NKAIN3: variants seen among roughly 807,000 people sequenced by gnomAD.
NKAIN3 encodes sodium/potassium transporting ATPase interacting 3.
In NKAIN3, 25 loss-of-function variants were observed where a neutral mutation model predicts 30.2. The observed-to-expected ratio is 0.83, with a 90% CI of 0.60 to 1.16. The LOEUF (loss-of-function observed/expected upper bound fraction) is 1.16. NKAIN3 is among the 50% of genes most tolerant of loss of function. NKAIN3 has a pLI of 0.00. For missense variants in NKAIN3, 225 were observed against 254.1 expected (o/e 0.89, Z 0.78); for synonymous variants, 91 against 89.6 (o/e 1.02, Z -0.09).
chr8:62,575,551 A>T (rs538149031), intron 1 of NKAIN3, among the ~76,000 whole-genome samples: 1 of 152,264 alleles, frequency 6.6e-6, no homozygotes, highest in East Asian at 1.9e-4. Flanking sequence ...AAGGCAATCC[A>T]CAGATCTGAG....
rs1027894124 is a variant in NKAIN3, at chr8:62,977,071, T to C, written c.*11664T>C. Among the ~76,000 whole-genome samples, 17 of 152,216 alleles carry C rather than the reference T, an allele frequency of 1.1e-4. No homozygotes were observed. The highest frequency in any genetic ancestry group is 2.5e-4 in the Non-Finnish European group (17 of 68,042). ...AGATCTGCTGTTAGTATGATGGGCTTCCCTTTGTAGGTAACCCAACTTTTC... is the reference window on the plus strand; with the variant it reads ...AGATCTGCTGTTAGTATGATGGGCTCCCCTTTGTAGGTAACCCAACTTTTC... On this transcript the variant is annotated 3_prime_UTR_variant, in exon 7 of 7. Coordinates refer to ENST00000623646, the MANE Select transcript of NKAIN3 (RefSeq NM_001304533.3).
At chr8:62,708,827 T>C (rs1394903362) in intron 3 of NKAIN3, among the ~76,000 whole-genome samples, 1 of 152,224 alleles carries the variant, frequency 6.6e-6, no homozygotes, top group Admixed American at 6.5e-5. Context: ...CTTTCAACTT[T>C]TTCCCATTCA....
At chr8:62,445,154 C>A (rs1805442443) in intron 1 of NKAIN3, among the ~76,000 whole-genome samples, 1 of 152,020 alleles carries the variant, frequency 6.6e-6, no homozygotes, top group African/African-American at 2.4e-5. Context: ...CCATGTTGGC[C>A]AGGATGGTCT....
chr8:62,900,014 T>A (rs533365786), intron 4 of NKAIN3, among the ~76,000 whole-genome samples: 1 of 138,654 alleles, frequency 7.2e-6, no homozygotes, highest in Admixed American at 7.6e-5. Flanking sequence ...CTTATACCCC[T>A]AAAGCTACTG....
At chr8:62,462,413 G>A (rs1806026552) in intron 1 of NKAIN3, among the ~76,000 whole-genome samples, 1 of 152,072 alleles carries the variant, frequency 6.6e-6, no homozygotes, top group Admixed American at 6.5e-5. Context: ...TGGAATGTGG[G>A]GAGCTTCATC....
At chr8:62,792,283 T>C (rs192612221) in intron 4 of NKAIN3, among the ~76,000 whole-genome samples, 4 of 152,252 alleles carry the variant, frequency 2.6e-5, no homozygotes, top group African/African-American at 9.6e-5. Context: ...GTTTCTAAAA[T>C]GTAAATCCAA....
intron 1 of NKAIN3, among the ~76,000 whole-genome samples, chr8:62,457,710 T>A (rs547916871): frequency 1.3e-5 from 2 of 152,350 alleles, no homozygotes; most frequent in African/African-American, 4.8e-5. Flanking sequence ...CAGTTTACCA[T>A]TGATTTAAAT....
At chr8:62,854,883 G>A (rs1433105995) in intron 4 of NKAIN3, among the ~76,000 whole-genome samples, 1 of 152,078 alleles carries the variant, frequency 6.6e-6, no homozygotes, top group Non-Finnish European at 1.5e-5. Flanking sequence ...CTCCTGTAAG[G>A]CAGAGGTTTA....
chr8:62,249,164 C>T lies in NKAIN3; in HGVS notation c.54+37C>T, dbSNP rs1217611657. 2.7e-6 allele frequency: 4 copies of T among 1,503,214 alleles called. No individual in the cohort carries two copies. The African/African-American group carries it at 4.3e-5, about 16-fold the overall frequency. The allele number at this position is 1,503,214 out of a possible 1,614,324, so 93.1% of individuals were successfully genotyped here. On this transcript the variant is annotated intron_variant, in intron 1 of 6. Coordinates refer to ENST00000623646, the MANE Select transcript of NKAIN3 (RefSeq NM_001304533.3). ...GAGGGCCCCTGCCCCAGGACAGGTC[C>T]CTGCTCCAGGACCGGCCTCTGCGAC...
intron 1 of NKAIN3, among the ~76,000 whole-genome samples, chr8:62,374,289 T>A (rs2129593528): frequency 6.6e-6 from 1 of 152,264 alleles, no homozygotes; most frequent in East Asian, 1.9e-4. Flanking sequence ...TCACTCAAAA[T>A]TCCATTTAAA....
chr8:62,483,559 C>A, intron 1 of NKAIN3: 1 of 173,296 alleles, frequency 5.8e-6, no homozygotes. Flanking sequence ...AGCAGACGGA[C>A]CTCCACTTCT....
intron 4 of NKAIN3, among the ~76,000 whole-genome samples, chr8:62,752,529 C>A (rs1816317205): frequency 6.6e-6 from 1 of 152,146 alleles, no homozygotes; most frequent in African/African-American, 2.4e-5. Flanking sequence ...TCTTGTTTCC[C>A]AGAATTCTTT....
At chr8:62,846,048 T>C (rs1388246329) in intron 4 of NKAIN3, among the ~76,000 whole-genome samples, 1 of 152,056 alleles carries the variant, frequency 6.6e-6, no homozygotes, top group African/African-American at 2.4e-5. Context: ...ATCCATAAGA[T>C]AGAAAAATCT....
At chr8:62,556,980 T>G (rs2129961234) in intron 1 of NKAIN3, among the ~76,000 whole-genome samples, 1 of 152,156 alleles carries the variant, frequency 6.6e-6, no homozygotes, top group Non-Finnish European at 1.5e-5. Context: ...GAACAGTTCG[T>G]GTTTGGTTAC....
At chr8:62,946,273 A>C (rs1371739333) in intron 5 of NKAIN3, among the ~76,000 whole-genome samples, 1 of 152,120 alleles carries the variant, frequency 6.6e-6, no homozygotes, top group African/African-American at 2.4e-5. Context: ...GCAACGGTTT[A>C]AGGCACTGTC....
Position 62,977,566 on chromosome 8 carries a change from A to G in NKAIN3, c.*12159A>G, listed in dbSNP as rs1238844196. ...CATCAGGTCATTTGTGTTCTTCTCT[A>G]AACTGGTTATTCTCTAAACTGGTTA... On this transcript the variant is annotated 3_prime_UTR_variant, in exon 7 of 7. Transcript: ENST00000623646. Among the ~76,000 whole-genome samples, 1 of 150,112 alleles carries G rather than the reference A, an allele frequency of 6.7e-6. No individual in the cohort carries two copies.
rs960532280 is a variant in NKAIN3 at position 62,971,852 on chromosome 8, G to A, written c.*6445G>A. Among the ~76,000 whole-genome samples the A allele has an allele frequency of 1.3e-5, 2 of 152,104 alleles. No homozygotes were observed. Among genetic ancestry groups the A allele is most frequent in the Non-Finnish European group, 2.9e-5 (2 of 68,022 alleles). ...TCAAGTATGTGAAATGAGAATTTCTGCCTCATCTTGTTTCCTTATCTTGTC... is the reference window on the plus strand; with the variant it reads ...TCAAGTATGTGAAATGAGAATTTCTACCTCATCTTGTTTCCTTATCTTGTC... On this transcript the variant is annotated 3_prime_UTR_variant, in exon 7 of 7. Transcript: ENST00000623646.
chr8:62,573,394 T>TTTCAATGG (rs1345488161), intron 1 of NKAIN3, among the ~76,000 whole-genome samples: 1 of 152,188 alleles, frequency 6.6e-6, no homozygotes, highest in African/African-American at 2.4e-5. Context: ...AGCAAGGCTA[T>TTTCAATGG]TTCAATGGTT....
chr8:62,390,473 T>C (rs1817557749), intron 1 of NKAIN3, among the ~76,000 whole-genome samples: 1 of 152,202 alleles, frequency 6.6e-6, no homozygotes. Context: ...TGATTTCATG[T>C]TTGGCTATTG....
Sources: gnomAD v4.1 joint callset for allele counts (sites outside exome capture counted in the v4.1 genomes callset) on GRCh38, gnomAD v4.1.1 for gene constraint, MANE v1.5 for transcripts, NCBI Gene and HGNC (gene_info 2026-07-23, HGNC 2026-07-21) for gene names.